Variants in MPPED2 observed in about 807,000 individuals in gnomAD.
The protein encoded by MPPED2 is metallophosphoesterase MPPED2.
A neutral mutation model predicts 33.0 loss-of-function variants in MPPED2; 5 were observed. The observed-to-expected ratio is 0.15, with a 90% CI of 0.08 to 0.32. MPPED2 has a LOEUF of 0.32. Ranked by LOEUF, MPPED2 falls within the 10% of genes least tolerant of loss-of-function variation. The pLI, the probability that MPPED2 is intolerant of heterozygous loss-of-function variation, is 1.00. For synonymous variants in MPPED2, 136 were observed against 141.9 expected (o/e 0.96, Z 0.29); for missense variants, 275 against 372.1 (o/e 0.74, Z 2.15).
In MPPED2 at chr11:30,436,050, C is replaced by CTTT. The variant is rs71060449; in HGVS notation, c.537-18420_537-18418dup. ...GGCTATTAGTGTTAAAGTTTAGCAT[C>CTTT]TTTTTTTTTTTTTTTTTTTTTTTTA... On this transcript the variant is annotated intron_variant, in intron 4 of 6. Coordinates refer to ENST00000358117, the MANE Select transcript of MPPED2 (RefSeq NM_001584.3). Among the ~76,000 whole-genome samples, 580 of 108,336 alleles carry CTTT rather than the reference C, an allele frequency of 5.4e-3. 5 individuals are homozygous for CTTT. The highest frequency in any genetic ancestry group is 0.018 in the East Asian group (56 of 3,060). 71.1% of individuals were successfully genotyped at this position (108,336 alleles called of 152,430 possible).
At chr11:30,459,838 T>C (rs1238246787) in intron 4 of MPPED2, among the ~76,000 whole-genome samples, 3 of 152,218 alleles carry the variant, frequency 2.0e-5, no homozygotes, top group Non-Finnish European at 4.4e-5. Flanking sequence ...TGTAGTTAAT[T>C]AGCTTTGCCC....
intron 6 of MPPED2, among the ~76,000 whole-genome samples, chr11:30,389,811 T>C (rs1947748362): frequency 6.6e-6 from 1 of 152,202 alleles, no homozygotes; most frequent in Admixed American, 6.5e-5. Context: ...AGGGAGCCCT[T>C]AGTTTTTGGA....
In MPPED2 at chr11:30,580,381, C is replaced by T; in HGVS notation, c.-8G>A. The T allele has an allele frequency of 6.2e-7, 1 of 1,614,006 alleles. No individual in the cohort carries two copies. Among genetic ancestry groups the T allele is most frequent in the Non-Finnish European group, 8.5e-7 (1 of 1,179,972 alleles). On this transcript the variant is annotated 5_prime_UTR_variant, in exon 2 of 7. Coordinates refer to ENST00000358117, the MANE Select transcript of MPPED2 (RefSeq NM_001584.3). Reference sequence around the variant, plus strand: ...AGGAATCCCATGTGCCATCCTTCCTCCCTATAGGCATGAGCAATTCACAAC... The same window carrying T: ...AGGAATCCCATGTGCCATCCTTCCTTCCTATAGGCATGAGCAATTCACAAC...
intron 4 of MPPED2, among the ~76,000 whole-genome samples, chr11:30,430,653 A>C (rs988634726): frequency 6.6e-6 from 1 of 152,274 alleles, no homozygotes; most frequent in South Asian, 2.1e-4. Flanking sequence ...TTGTTCACAC[A>C]GTGTAATTCG....
chr11:30,544,049 C>T (rs1955278786), intron 2 of MPPED2, among the ~76,000 whole-genome samples: 1 of 152,066 alleles, frequency 6.6e-6, no homozygotes, highest in Non-Finnish European at 1.5e-5. Context: ...TTTCCTCTTA[C>T]AAAAGTACAG....
chr11:30,417,351 G>A (rs954155206), intron 5 of MPPED2, among the ~76,000 whole-genome samples, 167 bp downstream of exon 5: 2 of 151,068 alleles, frequency 1.3e-5, no homozygotes, highest in Admixed American at 1.3e-4. Context: ...CAGCAGAACT[G>A]CTGAGTTTAA....
chr11:30,524,627 T>C (rs1049766254), intron 3 of MPPED2, among the ~76,000 whole-genome samples: 1 of 152,112 alleles, frequency 6.6e-6, no homozygotes, highest in Non-Finnish European at 1.5e-5. Context: ...TTAGATATTA[T>C]TATTGGGGGA....
chr11:30,407,923 T>A (rs980380505), downstream of MPPED2, among the ~76,000 whole-genome samples: 33 of 151,644 alleles, frequency 2.2e-4, no homozygotes, highest in Admixed American at 4.6e-4. Context: ...TTAAATATAT[T>A]TTTTTAAAAA....
intron 3 of MPPED2, among the ~76,000 whole-genome samples, chr11:30,532,948 A>C (rs1954607178): frequency 6.6e-6 from 1 of 152,226 alleles, no homozygotes; most frequent in Admixed American, 6.5e-5. Flanking sequence ...CAAGGGTGAG[A>C]TTTAAGATGG....
intron 4 of MPPED2, among the ~76,000 whole-genome samples, chr11:30,443,957 C>A (rs1949693528): frequency 6.6e-6 from 1 of 152,178 alleles, no homozygotes; most frequent in Admixed American, 6.5e-5. Flanking sequence ...TTAAGGGATA[C>A]AAGACCTTCT....
At chr11:30,446,232 T>TA (rs953817848) in intron 4 of MPPED2, among the ~76,000 whole-genome samples, 3 of 152,224 alleles carry the variant, frequency 2.0e-5, no homozygotes, top group Non-Finnish European at 4.4e-5. Flanking sequence ...TCCCCTCTCC[T>TA]ACTCTCTTTC....
Position 30,417,719 on chromosome 11 carries a change from G to A in MPPED2, c.537-86C>T, listed in dbSNP as rs539860563. ...ATTTCTCTCTCGCACATTCCCCCAC[G>A]GTTTGCATTGCTCTCTTTTCTCTTT... On this transcript the variant is annotated intron_variant, in intron 4 of 6. Coordinates refer to ENST00000358117, the MANE Select transcript of MPPED2 (RefSeq NM_001584.3). 996 of 757,750 alleles carry A rather than the reference G, an allele frequency of 1.3e-3. 1 individual carries two copies. The highest frequency in any genetic ancestry group is 1.5e-3 in the Non-Finnish European group (661 of 433,080). 46.9% of individuals were successfully genotyped at this position (757,750 alleles called of 1,614,324 possible).
intron 2 of MPPED2, among the ~76,000 whole-genome samples, chr11:30,577,675 A>G (rs1159240606): frequency 6.6e-6 from 1 of 152,218 alleles, no homozygotes; most frequent in Non-Finnish European, 1.5e-5. Flanking sequence ...ACCACCTACC[A>G]TAGGTCAGTC....
At position 30,509,534 on chromosome 11, in the gene MPPED2, T is replaced by C. The variant is rs78521161; in HGVS notation, c.311-14013A>G. Among the ~76,000 whole-genome samples the C allele has an allele frequency of 3.5e-3, 527 of 152,280 alleles. 2 individuals carry two copies. Among genetic ancestry groups the C allele is most frequent in the African/African-American group, 0.012 (516 of 41,574 alleles). ...AGGCCTCTCAGGAAAATCACTGCTG[T>C]TTTGACAGCTGGCTTTGCAGAGGCC... On this transcript the variant is annotated intron_variant, in intron 3 of 6. Transcript: ENST00000358117.
chr11:30,512,222 C>T (rs1409698672), intron 3 of MPPED2, among the ~76,000 whole-genome samples: 1 of 152,078 alleles, frequency 6.6e-6, no homozygotes, highest in East Asian at 1.9e-4. Flanking sequence ...TTCCAGGGTC[C>T]CCTTCCAGGG....
intron 4 of MPPED2, among the ~76,000 whole-genome samples, chr11:30,476,228 T>C (rs901308783): frequency 6.6e-6 from 1 of 152,044 alleles, no homozygotes; most frequent in Non-Finnish European, 1.5e-5. Flanking sequence ...TTTTGATTTT[T>C]GTAATGATAT....
chr11:30,543,201 C>T (rs933631437), intron 2 of MPPED2, among the ~76,000 whole-genome samples: 1 of 152,202 alleles, frequency 6.6e-6, no homozygotes, highest in Non-Finnish European at 1.5e-5. Flanking sequence ...AAAGGTTCCT[C>T]ATTCTCAAGG....
chr11:30,493,369 T>C (rs1256374063), intron 4 of MPPED2, among the ~76,000 whole-genome samples: 92 of 107,726 alleles, frequency 8.5e-4, no homozygotes, highest in African/African-American at 3.7e-3. Context: ...AGACTCCGTC[T>C]CAAAAAAAAA....
chr11:30,572,104 A>G (rs1956719708), intron 2 of MPPED2, among the ~76,000 whole-genome samples: 1 of 152,148 alleles, frequency 6.6e-6, no homozygotes, highest in African/African-American at 2.4e-5. Flanking sequence ...AAATGTAGGT[A>G]ACTTTCCAAA....
Sources: gnomAD v4.1 joint callset for allele counts (sites outside exome capture counted in the v4.1 genomes callset) on GRCh38, gnomAD v4.1.1 for gene constraint, MANE v1.5 for transcripts, NCBI Gene and HGNC (gene_info 2026-07-23, HGNC 2026-07-21) for gene names.